The following CUX1 variants were observed in gnomAD, a reference collection of about 807,000 sequenced individuals.
The protein encoded by CUX1 is protein CASP.
CUX1 carries 31 observed loss-of-function variants against 158.8 expected under a neutral mutation model. The ratio of observed to expected loss-of-function variants is 0.20; its 90% CI spans 0.15 to 0.26. The LOEUF (loss-of-function observed/expected upper bound fraction) is 0.26, where lower values mean the gene tolerates loss of function less well. Ranked by LOEUF, CUX1 falls within the 10% of genes least tolerant of loss-of-function variation. The pLI is 1.00. For missense variants in CUX1, 1,589 were observed against 2,014.6 expected (o/e 0.79, Z 4.04); for synonymous variants, 879 against 862.1 (o/e 1.02, Z -0.34).
At chr7:102,185,648 G>A (rs1480355804) in intron 11 of CUX1, among the ~76,000 whole-genome samples, 14 of 148,640 alleles carry the variant, frequency 9.4e-5, no homozygotes, top group East Asian at 2.0e-4. Flanking sequence ...CTATGTTGTC[G>A]TGCTTATCTT....
rs1801113022 is a variant in CUX1, at chr7:102,248,761, G to A, written c.4237G>A (p.Ala1413Thr). ...PSPASATATAAPAAPEDAATS... is the reference protein window; with the variant it reads ...PSPASATATATPAAPEDAATS... ...CCCCGCCTCCGCGACCGCCACCGCC[G>A]CGCCCGCGGCCCCCGAGGACGCCGC... The change falls in exon 24 of 24, where the codon GCG becomes ACG. Residue 1413 changes from alanine (A) to threonine (T), a missense_variant. This residue lies in a region of CUX1 where 344 missense variants were observed against 323.7 expected (regional missense o/e 1.06). Coordinates refer to ENST00000292535, the MANE Select transcript of CUX1 (RefSeq NM_181552.4). This position sits in a 1 kb window ranked among gnomAD's most constrained non-coding sequence, Gnocchi z 5.8. 2.9e-6 allele frequency: 3 copies of A among 1,034,914 alleles called. No homozygotes were observed. The highest frequency in any genetic ancestry group is 4.1e-5 in the South Asian group (1 of 24,398). The allele number at this position is 1,034,914 out of a possible 1,614,324, so 64.1% of individuals were successfully genotyped here.
intron 1 of CUX1, among the ~76,000 whole-genome samples, chr7:101,836,143 C>T (rs574021913): frequency 2.5e-4 from 38 of 152,308 alleles, no homozygotes; most frequent in Non-Finnish European, 4.9e-4. Context: ...CATTAGCCGT[C>T]GCTACCTCCC....
Position 102,248,561 on chromosome 7 carries a change from G to A in CUX1, c.4037G>A (p.Gly1346Asp), listed in dbSNP as rs782170060. The A allele has an allele frequency of 3.2e-5, 48 of 1,494,772 alleles. No individual in the cohort carries two copies. The East Asian group carries it at 1.1e-3, about 34-fold the overall frequency. The allele number at this position is 1,494,772 out of a possible 1,614,324, so 92.6% of individuals were successfully genotyped here. A position where few individuals can be genotyped will look rare whatever the true frequency, so the allele number is the denominator to read the frequency against. Residue 1346 changes from glycine to aspartate, a missense_variant, in exon 24 of 24, where the codon GGC becomes GAC. Gly to Asp is a moderately conservative substitution (Grantham distance 94, BLOSUM62 -1). Around this residue, in one of 8 missense-constraint regions of CUX1, gnomAD observed 344 missense variants for 323.7 expected, o/e 1.06. Coordinates refer to ENST00000292535, the MANE Select transcript of CUX1 (RefSeq NM_181552.4). The surrounding 1 kb of genome is among the most constrained non-coding windows in gnomAD (Gnocchi z 5.8). The stretch of plus-strand genomic sequence containing the variant: ...TGCGACGGCGTGGAGGCCACTGAGG[G>A]CCCAGGCAGCGCCGACACCGAGGAG... ...DSCDGVEATE[G>D]PGSADTEEPK...
At chr7:101,829,652 T>G (rs568957029) in intron 1 of CUX1, among the ~76,000 whole-genome samples, 79 of 150,202 alleles carry the variant, frequency 5.3e-4, no homozygotes, top group African/African-American at 1.0e-3. Flanking sequence ...TCTGGGTCAC[T>G]TAGCAGTGAG....
At chr7:101,954,032 T>A (rs976418646) in intron 2 of CUX1, among the ~76,000 whole-genome samples, 39 of 152,122 alleles carry the variant, frequency 2.6e-4, no homozygotes, top group South Asian at 6.2e-4. Flanking sequence ...ACAAAAAAAA[T>A]TTTTTTAAGT....
At chr7:101,927,214 T>A (rs1258866413) in intron 2 of CUX1, among the ~76,000 whole-genome samples, 1 of 152,018 alleles carries the variant, frequency 6.6e-6, no homozygotes, top group Non-Finnish European at 1.5e-5. Context: ...AACCATTGAT[T>A]AATTTTGGCA....
At chr7:101,820,116 A>G (rs1405403913) in intron 1 of CUX1, among the ~76,000 whole-genome samples, 1 of 152,216 alleles carries the variant, frequency 6.6e-6, no homozygotes, top group Non-Finnish European at 1.5e-5. Context: ...TTCTGGGTCT[A>G]CCTGTAGCAG....
chr7:102,146,486 T>G (rs567917311), intron 8 of CUX1, among the ~76,000 whole-genome samples: 3 of 152,328 alleles, frequency 2.0e-5, no homozygotes, highest in African/African-American at 7.2e-5. Flanking sequence ...TGAAATCGTT[T>G]CCCATGAACA....
chr7:101,943,911 G>A (rs1223190460), intron 2 of CUX1, among the ~76,000 whole-genome samples: 2 of 150,474 alleles, frequency 1.3e-5, no homozygotes, highest in Non-Finnish European at 3.0e-5. Context: ...TTGAGCCCAG[G>A]AGTTTGAGAC....
chr7:101,891,364 G>A (rs1231636967), intron 1 of CUX1, among the ~76,000 whole-genome samples: 2 of 152,162 alleles, frequency 1.3e-5, no homozygotes, highest in Admixed American at 1.3e-4. Context: ...GACCACAGGT[G>A]CTCACCACCA....
intron 22 of CUX1, among the ~76,000 whole-genome samples, 163 bp from the exon 23 acceptor site, chr7:102,239,157 G>T (rs1432128778): frequency 6.6e-6 from 1 of 152,190 alleles, no homozygotes; most frequent in Non-Finnish European, 1.5e-5. Flanking sequence ...AAAGTGCTTG[G>T]ATTACAGGCA....
chr7:101,913,403 C>T, intron 1 of CUX1: 2 of 1,263,450 alleles, frequency 1.6e-6, no homozygotes, highest in Non-Finnish European at 2.1e-6. Flanking sequence ...CAGCAAGTTG[C>T]CGCAGGCGCA....
intron 1 of CUX1, among the ~76,000 whole-genome samples, chr7:101,874,871 G>A (rs1798956965): frequency 6.6e-6 from 1 of 152,188 alleles, no homozygotes; most frequent in African/African-American, 2.4e-5. Flanking sequence ...CAGTTTCAGA[G>A]CGTTTGCATC....
chr7:102,234,409 G>T (rs141462288), intron 22 of CUX1, among the ~76,000 whole-genome samples, 169 bp downstream of exon 22: 1 of 152,212 alleles, frequency 6.6e-6, no homozygotes, highest in Non-Finnish European at 1.5e-5. Flanking sequence ...TACCTAAGAG[G>T]GCTGGAAAGT....
intron 18 of CUX1, chr7:102,278,144 G>A: frequency 3.8e-6 from 4 of 1,063,238 alleles, no homozygotes; most frequent in Non-Finnish European, 5.6e-6. Flanking sequence ...AGATGGGAGG[G>A]TCGGGGACCA....
chr7:102,143,605 T>C (rs1585885836), intron 8 of CUX1, among the ~76,000 whole-genome samples: 1 of 152,002 alleles, frequency 6.6e-6, no homozygotes, highest in Admixed American at 6.6e-5. Context: ...AAAACATATA[T>C]ATGGTATATT....
chr7:102,081,651 T>A (rs1585580348), intron 4 of CUX1, among the ~76,000 whole-genome samples: 2 of 146,704 alleles, frequency 1.4e-5, no homozygotes, highest in African/African-American at 4.9e-5. Context: ...TTTGTTTTTT[T>A]TGAGATGGAG....
upstream of CUX1, among the ~76,000 whole-genome samples, chr7:101,816,282 C>G (rs1413002018): frequency 6.9e-6 from 1 of 145,014 alleles, no homozygotes; most frequent in South Asian, 2.1e-4. Flanking sequence ...ATTGATCACT[C>G]GCTTGATCGG....
intron 9 of CUX1, chr7:102,161,245 G>A (rs1306483540): frequency 1.3e-5 from 2 of 152,220 alleles, no homozygotes; most frequent in Non-Finnish European, 2.9e-5. Flanking sequence ...CCACTCGGGA[G>A]GCTGAGGCAG....
Sources: allele counts gnomAD v4.1 joint callset (sites outside exome capture counted in the v4.1 genomes callset), GRCh38; gene constraint gnomAD v4.1.1; regional missense constraint gnomAD v4.1.1; non-coding constraint Gnocchi (gnomAD v3.1); transcripts MANE v1.5; gene names NCBI Gene and HGNC (gene_info 2026-07-23, HGNC 2026-07-21).